The following PLPP4 variants were observed in gnomAD, a reference collection of about 807,000 sequenced individuals.
The protein encoded by PLPP4 is phospholipid phosphatase 4, also known as diacylglycerol pyrophosphate like 2.
In PLPP4, 20 loss-of-function variants were observed where a neutral mutation model predicts 32.2. The ratio of observed to expected loss-of-function variants is 0.62; its 90% CI spans 0.44 to 0.90. The LOEUF (loss-of-function observed/expected upper bound fraction) is 0.90, where lower values mean the gene tolerates loss of function less well. PLPP4 is among the 40% of genes least tolerant of loss of function. The pLI is 0.00. For synonymous variants in PLPP4, 127 were observed against 133.0 expected (o/e 0.95, Z 0.31); for missense variants, 257 against 353.1 (o/e 0.73, Z 2.18).
At chr10:120,506,797 A>AC (rs1203256566) in intron 2 of PLPP4, among the ~76,000 whole-genome samples, 4 of 152,198 alleles carry the variant, frequency 2.6e-5, no homozygotes, top group African/African-American at 9.7e-5. Flanking sequence ...TGTCTGTGGC[A>AC]CCATTAGCTC....
At chr10:120,528,359 C>T (rs1456031704) in intron 5 of PLPP4, among the ~76,000 whole-genome samples, 3 of 152,146 alleles carry the variant, frequency 2.0e-5, no homozygotes, top group African/African-American at 7.2e-5. Flanking sequence ...CAGACGTGAG[C>T]CACCACGCCC....
chr10:120,531,567 A>G (rs1846723532), intron 5 of PLPP4, among the ~76,000 whole-genome samples: 1 of 152,084 alleles, frequency 6.6e-6, no homozygotes, highest in Non-Finnish European at 1.5e-5. Flanking sequence ...TCTTTAAAAC[A>G]TTATGGCTTT....
chr10:120,481,725 T>C (rs1381824385), intron 1 of PLPP4, among the ~76,000 whole-genome samples: 1 of 152,176 alleles, frequency 6.6e-6, no homozygotes, highest in East Asian at 1.9e-4. Flanking sequence ...TTGATCCCAC[T>C]CTGAGGGCAT....
At chr10:120,472,626 T>G (rs1245369821) in intron 1 of PLPP4, among the ~76,000 whole-genome samples, 1 of 152,160 alleles carries the variant, frequency 6.6e-6, no homozygotes, top group Non-Finnish European at 1.5e-5. Flanking sequence ...TTGTTGTCTT[T>G]CATCAATTAA....
intron 6 of PLPP4, among the ~76,000 whole-genome samples, chr10:120,575,693 G>A (rs560873059): frequency 1.1e-3 from 172 of 152,244 alleles, no homozygotes; most frequent in African/African-American, 4.0e-3. Flanking sequence ...CTACAAGGAC[G>A]TATTTGTCAC....
chr10:120,567,570 G>T (rs1411186075), intron 5 of PLPP4, among the ~76,000 whole-genome samples: 1 of 152,214 alleles, frequency 6.6e-6, no homozygotes, highest in Non-Finnish European at 1.5e-5. Flanking sequence ...AAAGAAGTTA[G>T]CAAGTGGATC....
At position 120,524,269 on chromosome 10, in the gene PLPP4, G is replaced by A. The variant is rs930348760; in HGVS notation, c.445+3174G>A. On this transcript the variant is annotated intron_variant, in intron 5 of 6. Coordinates refer to ENST00000398250, the MANE Select transcript of PLPP4 (RefSeq NM_001030059.3). ...CCGATGCTGTTTTCTGGATTTCTTA[G>A]TAGCTAATAAGAAGCCTAGTAGTTG... Among the ~76,000 whole-genome samples, 5 of 152,214 alleles carry A rather than the reference G, an allele frequency of 3.3e-5. No homozygotes were observed. In the East Asian group the frequency reaches 7.7e-4, roughly 24 times the overall value.
At chr10:120,507,655 T>G (rs1383195550) in intron 2 of PLPP4, among the ~76,000 whole-genome samples, 1 of 152,086 alleles carries the variant, frequency 6.6e-6, no homozygotes. Flanking sequence ...CCTTGGTGAT[T>G]GGTTAGGTGG....
intron 5 of PLPP4, among the ~76,000 whole-genome samples, chr10:120,563,064 C>T (rs1428586750): frequency 6.6e-6 from 1 of 152,006 alleles, no homozygotes; most frequent in Non-Finnish European, 1.5e-5. Context: ...AATGGAGAAA[C>T]CCCACTTCTA....
chr10:120,507,497 T>A (rs561376039), intron 2 of PLPP4, among the ~76,000 whole-genome samples: 258 of 152,364 alleles, frequency 1.7e-3, no homozygotes, highest in Admixed American at 3.9e-3. Flanking sequence ...AGGTCAGCAC[T>A]TTTGTTAATC....
At chr10:120,583,312 A>G (rs551976130) in intron 6 of PLPP4, among the ~76,000 whole-genome samples, 2 of 152,044 alleles carry the variant, frequency 1.3e-5, no homozygotes, top group East Asian at 3.9e-4. Flanking sequence ...CCTCATGGCA[A>G]GAGGGCAGGG....
intron 1 of PLPP4, among the ~76,000 whole-genome samples, chr10:120,501,295 T>C (rs1409643878): frequency 2.4e-5 from 3 of 122,890 alleles, no homozygotes; most frequent in Non-Finnish European, 5.0e-5. Flanking sequence ...CAAGCAAAAT[T>C]TATTTCATTT....
chr10:120,503,451 C>A, intron 1 of PLPP4: 1 of 1,246,856 alleles, frequency 8.0e-7, no homozygotes, highest in East Asian at 2.5e-5. Context: ...TTATGTTCCA[C>A]CTCAAACCCA....
chr10:120,538,509 G>A (rs552394387), intron 5 of PLPP4, among the ~76,000 whole-genome samples: 3 of 152,128 alleles, frequency 2.0e-5, no homozygotes, highest in African/African-American at 4.8e-5. Flanking sequence ...GGCGTTTCAC[G>A]TTTTTGGAGA....
intron 5 of PLPP4, among the ~76,000 whole-genome samples, chr10:120,540,094 T>G (rs1390373437): frequency 6.6e-6 from 1 of 152,086 alleles, no homozygotes; most frequent in East Asian, 1.9e-4. Context: ...TTTCCCATAC[T>G]TTATAAATAA....
At chr10:120,521,124 G>GC in intron 5 of PLPP4, 29 bp downstream of exon 5, 1 of 1,612,830 alleles carries the variant, frequency 6.2e-7, no homozygotes, top group Non-Finnish European at 8.5e-7. Flanking sequence ...TTCTCTTAAT[G>GC]CCCCCAGTCA....
At chr10:120,566,119 T>G (rs1848679903) in intron 5 of PLPP4, among the ~76,000 whole-genome samples, 1 of 152,216 alleles carries the variant, frequency 6.6e-6, no homozygotes, top group Non-Finnish European at 1.5e-5. Context: ...TCAAGCATAT[T>G]GCAAATAGTT....
At chr10:120,567,079 AC>A (rs1473895151) in intron 5 of PLPP4, among the ~76,000 whole-genome samples, 1 of 152,030 alleles carries the variant, frequency 6.6e-6, no homozygotes, top group Non-Finnish European at 1.5e-5. Context: ...ATTTTTGGGA[AC>A]CTTGTTTTTA....
At chr10:120,586,031 C>G (rs1034643967) in intron 6 of PLPP4, among the ~76,000 whole-genome samples, 2 of 152,146 alleles carry the variant, frequency 1.3e-5, no homozygotes, top group African/African-American at 4.8e-5. Flanking sequence ...ATTATTTGGT[C>G]TCTCCCATTG....
Sources: allele counts gnomAD v4.1 joint callset (sites outside exome capture counted in the v4.1 genomes callset), GRCh38; gene constraint gnomAD v4.1.1; transcripts MANE v1.5; gene names NCBI Gene and HGNC (gene_info 2026-07-23, HGNC 2026-07-21).